RBX1: variants seen among roughly 807,000 people sequenced by gnomAD.
RBX1 encodes the protein E3 ubiquitin-protein ligase RBX1.
For synonymous variants in RBX1, 48 were observed against 47.9 expected (o/e 1.00, Z -0.01); for missense variants, 46 against 141.4 (o/e 0.33, Z 3.42).
At chr22:40,964,273 A>G (rs575208723) in intron 3 of RBX1, 156 bp downstream of exon 3, 2 of 566,320 alleles carry the variant, frequency 3.5e-6, no homozygotes, top group East Asian at 3.1e-5. Context: ...TCATAATACT[A>G]TTCACCTGTT....
At chr22:40,971,515 G>A (rs1485289916) in intron 4 of RBX1, among the ~76,000 whole-genome samples, 3 of 152,084 alleles carry the variant, frequency 2.0e-5, no homozygotes, top group African/African-American at 4.8e-5. Flanking sequence ...CAAGAAATCT[G>A]TTTATATGTG....
chr22:40,961,840 A>T (rs1035270946), intron 2 of RBX1, among the ~76,000 whole-genome samples: 2 of 151,800 alleles, frequency 1.3e-5, no homozygotes, highest in African/African-American at 4.8e-5. Flanking sequence ...GCTGGAATGC[A>T]GTGGTGTGAT....
chr22:40,961,342 C>T (rs1434455463), intron 2 of RBX1, among the ~76,000 whole-genome samples: 1 of 152,030 alleles, frequency 6.6e-6, no homozygotes, highest in African/African-American at 2.4e-5. Context: ...GCCTTGGCCT[C>T]CCAAAGTGCT....
chr22:40,955,927 G>A (rs1476102777), intron 2 of RBX1, among the ~76,000 whole-genome samples: 2 of 152,182 alleles, frequency 1.3e-5, no homozygotes, highest in African/African-American at 4.8e-5. Context: ...ATGTGTTTGG[G>A]TGGGGTCTTT....
intron 4 of RBX1, 99 bp from the exon 5 acceptor site, chr22:40,972,377 T>C: frequency 1.2e-6 from 1 of 868,004 alleles, no homozygotes; most frequent in Admixed American, 2.0e-5. Flanking sequence ...TGTGATCACT[T>C]AGGTTCTAAC....
chr22:40,972,690 A>G lies in RBX1; in HGVS notation c.*202A>G, dbSNP rs1435557695. 3.7e-6 allele frequency: 2 copies of G among 536,000 alleles called. No homozygotes were observed. Among genetic ancestry groups the G allele is most frequent in the Admixed American group, 3.2e-5 (1 of 31,482 alleles). The allele number at this position is 536,000 out of a possible 1,614,324, so 33.2% of individuals were successfully genotyped here. ...CGGATGCTCTCTCTTGTGTATGTGA[A>G]CAAAGTGAACATAAATGAAGAGTCT... On this transcript the variant is annotated 3_prime_UTR_variant, in exon 5 of 5. Transcript: ENST00000216225.
chr22:40,970,859 A>G (rs1395669742), intron 4 of RBX1, among the ~76,000 whole-genome samples: 1 of 152,236 alleles, frequency 6.6e-6, no homozygotes, highest in African/African-American at 2.4e-5. Flanking sequence ...AAGTCTTATC[A>G]ATGCGTATTC....
intron 1 of RBX1, among the ~76,000 whole-genome samples, chr22:40,953,242 G>A (rs889256666): frequency 2.0e-5 from 3 of 151,966 alleles, no homozygotes; most frequent in African/African-American, 7.3e-5. Flanking sequence ...GGCCCGCCTC[G>A]GCCTCCCAAA....
chr22:40,951,767 A>G lies in RBX1; in HGVS notation c.78+291A>G, dbSNP rs556410702. 6.7e-5 allele frequency among the ~76,000 whole-genome samples: 8 copies of G among 118,838 alleles called. No individual in the cohort carries two copies. In the East Asian group the frequency reaches 1.3e-3, roughly 19 times the overall value. 78.0% of individuals were successfully genotyped at this position (118,838 alleles called of 152,430 possible). A position where few individuals can be genotyped will look rare whatever the true frequency, so the allele number is the denominator to read the frequency against. On this transcript the variant is annotated intron_variant, in intron 1 of 4. Coordinates refer to ENST00000216225, the MANE Select transcript of RBX1 (RefSeq NM_014248.4). The stretch of plus-strand genomic sequence containing the variant: ...GCGGGAGCCAAGCGCTTGAGCTGTC[A>G]CTGGAGTGGTTGAGAGGTGGGGGAA...
intron 2 of RBX1, among the ~76,000 whole-genome samples, chr22:40,958,943 A>G (rs1358636373): frequency 6.6e-6 from 1 of 152,092 alleles, no homozygotes; most frequent in African/African-American, 2.4e-5. Flanking sequence ...CCTCCTGAGC[A>G]GCTGAGACTG....
intron 4 of RBX1, among the ~76,000 whole-genome samples, chr22:40,970,789 C>T (rs2058367066): frequency 6.6e-6 from 1 of 151,902 alleles, no homozygotes; most frequent in Admixed American, 6.6e-5. Flanking sequence ...TTTAGAAATC[C>T]ATTATTGGTG....
intron 1 of RBX1, among the ~76,000 whole-genome samples, chr22:40,951,881 A>T (rs866376956): frequency 2.0e-5 from 3 of 152,002 alleles, no homozygotes; most frequent in African/African-American, 2.4e-5. Context: ...GAGAGCCTGG[A>T]ACCTGAGGTC....
chr22:40,952,661 G>A (rs2058314518), intron 1 of RBX1, among the ~76,000 whole-genome samples: 1 of 152,284 alleles, frequency 6.6e-6, no homozygotes, highest in South Asian at 2.1e-4. Context: ...TATCTTAATA[G>A]AAGAGTCTAA....
rs2058373221 is a variant in RBX1, at chr22:40,972,995, GTC to G, written c.*513_*514del. On this transcript the variant is annotated 3_prime_UTR_variant, in exon 5 of 5. Transcript: ENST00000216225. ...TACTGATGGCAATCTTGGCCAAGTTGTCTCTCTACTCTGAACTTTCCTCCTCT... is the reference window on the plus strand; with the variant it reads ...TACTGATGGCAATCTTGGCCAAGTTGTCTCTACTCTGAACTTTCCTCCTCT... The G allele has an allele frequency of 6.3e-6, 1 of 158,192 alleles. No homozygotes were observed. Among genetic ancestry groups the G allele is most frequent in the Admixed American group, 6.2e-5 (1 of 16,248 alleles). The allele number at this position is 158,192 out of a possible 1,614,324, so 9.8% of individuals were successfully genotyped here.
At chr22:40,967,944 T>G in intron 4 of RBX1, 60 bp downstream of exon 4, 1 of 1,200,674 alleles carries the variant, frequency 8.3e-7, no homozygotes, top group Non-Finnish European at 1.2e-6. Flanking sequence ...GAAAGGAGCG[T>G]GGTCTTGGGG....
chr22:40,963,800 C>T (rs537113558), intron 2 of RBX1, among the ~76,000 whole-genome samples: 21 of 152,138 alleles, frequency 1.4e-4, no homozygotes, highest in Non-Finnish European at 2.5e-4. Context: ...GAGCCATGCT[C>T]ATGCCACTGC....
intron 3 of RBX1, among the ~76,000 whole-genome samples, chr22:40,965,006 T>TA (rs1246016326): frequency 1.3e-5 from 2 of 152,030 alleles, no homozygotes; most frequent in Non-Finnish European, 2.9e-5. Flanking sequence ...AAGTGCTTGT[T>TA]AAAAAAAATC....
chr22:40,969,713 C>T (rs1249872688), intron 4 of RBX1, among the ~76,000 whole-genome samples: 2 of 151,850 alleles, frequency 1.3e-5, no homozygotes, highest in Admixed American at 6.6e-5. Context: ...GGTAAAACCC[C>T]GTCTCTACTT....
intron 3 of RBX1, chr22:40,966,629 C>T (rs2058355185): frequency 6.6e-6 from 1 of 152,136 alleles, no homozygotes. Context: ...CTGTGGATTC[C>T]ACTCTTAGTT....
Sources: allele counts gnomAD v4.1 joint callset (sites outside exome capture counted in the v4.1 genomes callset), GRCh38; gene constraint gnomAD v4.1.1; transcripts MANE v1.5; gene names NCBI Gene and HGNC (gene_info 2026-07-23, HGNC 2026-07-21).